PRKG1: variants seen among roughly 807,000 people sequenced by gnomAD.
PRKG1 encodes protein kinase cGMP-dependent 1, also known as cGMP-dependent protein kinase 1.
Under a neutral mutation model 88.1 loss-of-function variants are expected in PRKG1, and 35 were observed. The observed-to-expected ratio is 0.40, with a 90% CI of 0.30 to 0.53. The LOEUF (loss-of-function observed/expected upper bound fraction) is 0.53. PRKG1 is among the 20% of genes least tolerant of loss of function. The pLI is 0.59. For synonymous variants in PRKG1, 303 were observed against 292.5 expected (o/e 1.04, Z -0.37); for missense variants, 540 against 839.8 (o/e 0.64, Z 4.41).
rs528110345 is a variant in PRKG1 at position 51,519,492 on chromosome 10, C to T, written c.592+51656C>T. ...ATTTTGAGAAACACTTGGAAAAAAA[C>T]ATGAGGGGGGAAATCTGGGCCAGAA... On this transcript the variant is annotated intron_variant, in intron 3 of 17. Transcript: ENST00000373980. Among the ~76,000 whole-genome samples the T allele has an allele frequency of 1.2e-3, 186 of 152,062 alleles. 1 individual carries two copies. The highest frequency in any genetic ancestry group is 2.1e-3 in the Non-Finnish European group (145 of 67,942).
intron 3 of PRKG1, among the ~76,000 whole-genome samples, chr10:51,683,931 G>A (rs1318121890): frequency 3.3e-5 from 5 of 152,124 alleles, no homozygotes; most frequent in Admixed American, 6.5e-5. Flanking sequence ...TTTGTTTTTC[G>A]GGGGAATGTA....
chr10:51,461,537 A>G (rs749612687), intron 2 of PRKG1, among the ~76,000 whole-genome samples: 52 of 152,188 alleles, frequency 3.4e-4, no homozygotes, highest in Non-Finnish European at 4.9e-4. Context: ...TTCAATGTCC[A>G]AAGAATGATT....
intron 9 of PRKG1, among the ~76,000 whole-genome samples, chr10:52,209,918 G>A (rs1445688821): frequency 2.6e-5 from 4 of 152,082 alleles, no homozygotes; most frequent in East Asian, 1.9e-4. Context: ...CTTTAGCAAC[G>A]TATCTTGAGT....
Position 51,743,690 on chromosome 10 carries a change from TTATATATATAATATAAACTAAATATA to T in PRKG1, c.593-60858_593-60833del, listed in dbSNP as rs1470646886. Among the ~76,000 whole-genome samples, 316 of 123,836 alleles carry T rather than the reference TTATATATATAATATAAACTAAATATA, an allele frequency of 2.6e-3. 2 individuals carry two copies. The highest frequency in any genetic ancestry group is 3.1e-3 in the African/African-American group (99 of 32,092). 81.2% of individuals were successfully genotyped at this position (123,836 alleles called of 152,430 possible). On this transcript the variant is annotated intron_variant, in intron 3 of 17. Coordinates refer to ENST00000373980, the MANE Select transcript of PRKG1 (RefSeq NM_006258.4). ...TATATATTTATATATATATAATTTA[TTATATATATAATATAAACTAAATATA>T]TATATATATAATATAAACTAAATAT...
chr10:52,132,794 T>C (rs1327062511), intron 7 of PRKG1, among the ~76,000 whole-genome samples: 2 of 152,106 alleles, frequency 1.3e-5, no homozygotes, highest in Non-Finnish European at 2.9e-5. Flanking sequence ...TTTTAAAAAT[T>C]CTCATGGGTA....
intron 9 of PRKG1, among the ~76,000 whole-genome samples, chr10:52,205,088 C>G (rs1424228055): frequency 1.3e-5 from 2 of 152,094 alleles, no homozygotes; most frequent in Admixed American, 1.3e-4. Context: ...CCTGCAGCGC[C>G]CCCAGGTTTG....
At chr10:51,946,681 C>T (rs778391386) in intron 5 of PRKG1, among the ~76,000 whole-genome samples, 8 of 152,106 alleles carry the variant, frequency 5.3e-5, no homozygotes, top group Non-Finnish European at 7.3e-5. Context: ...TCCTAAGAGA[C>T]AGGACCCTCA....
intron 14 of PRKG1, 91 bp from the exon 15 acceptor site, chr10:52,288,635 A>G (rs1842172827): frequency 7.6e-7 from 1 of 1,319,774 alleles, no homozygotes. Context: ...CCAAATATGA[A>G]TTGATGTCAT....
At chr10:51,414,142 A>G (rs1838175403) in intron 2 of PRKG1, among the ~76,000 whole-genome samples, 1 of 152,216 alleles carries the variant, frequency 6.6e-6, no homozygotes, top group South Asian at 2.1e-4. Flanking sequence ...AGTGCCCATC[A>G]TGAAGCCTGG....
chr10:51,659,258 C>T (rs1411855488), intron 3 of PRKG1, among the ~76,000 whole-genome samples: 1 of 151,912 alleles, frequency 6.6e-6, no homozygotes, highest in Non-Finnish European at 1.5e-5. Flanking sequence ...GACAATGTTC[C>T]CTAAAACAAA....
At chr10:52,086,756 A>G (rs1846925553) in intron 7 of PRKG1, among the ~76,000 whole-genome samples, 1 of 152,236 alleles carries the variant, frequency 6.6e-6, no homozygotes, top group East Asian at 1.9e-4. Context: ...TGAACAGTGT[A>G]TTAGTCTGTT....
intron 3 of PRKG1, among the ~76,000 whole-genome samples, chr10:51,547,537 A>G (rs963957457): frequency 1.3e-5 from 2 of 152,118 alleles, no homozygotes; most frequent in East Asian, 1.9e-4. Flanking sequence ...ATTTTATAGG[A>G]CACTGAAAGT....
intron 2 of PRKG1, among the ~76,000 whole-genome samples, chr10:51,311,587 C>G (rs76067142): frequency 6.6e-6 from 1 of 152,162 alleles, no homozygotes; most frequent in East Asian, 1.9e-4. Flanking sequence ...AATTTGAGGA[C>G]CGGTACCTTA....
intron 2 of PRKG1, among the ~76,000 whole-genome samples, chr10:51,381,722 A>G (rs1403528655): frequency 6.6e-6 from 1 of 152,232 alleles, no homozygotes; most frequent in Non-Finnish European, 1.5e-5. Context: ...TACCATGGGG[A>G]AGTTAAGACA....
intron 1 of PRKG1, among the ~76,000 whole-genome samples, chr10:51,089,201 T>C (rs1844337555): frequency 1.3e-5 from 2 of 152,166 alleles, no homozygotes; most frequent in East Asian, 1.9e-4. Flanking sequence ...CTCTAATAAA[T>C]GTGTAATCCC....
At chr10:51,942,257 G>C (rs1842925652) in intron 5 of PRKG1, among the ~76,000 whole-genome samples, 2 of 152,044 alleles carry the variant, frequency 1.3e-5, no homozygotes, top group South Asian at 4.1e-4. Context: ...CTTCTTTTGA[G>C]AAGTGTCTGT....
chr10:51,530,121 A>C (rs10823137), intron 3 of PRKG1, among the ~76,000 whole-genome samples: 40,366 of 152,006 alleles, frequency 0.27, 5,729 homozygotes, highest in Admixed American at 0.36. Context: ...GCATTTTTCT[A>C]TAGTTTGCAT....
intron 2 of PRKG1, among the ~76,000 whole-genome samples, chr10:51,420,841 G>A (rs565111817): frequency 1.3e-5 from 2 of 152,300 alleles, no homozygotes; most frequent in South Asian, 4.1e-4. Flanking sequence ...TTCCAATCAT[G>A]GTAGAAGCTG....
At position 51,533,258 on chromosome 10, in the gene PRKG1, T is replaced by G. The variant is rs368022593; in HGVS notation, c.592+65422T>G. On this transcript the variant is annotated intron_variant, in intron 3 of 17. Coordinates refer to ENST00000373980, the MANE Select transcript of PRKG1 (RefSeq NM_006258.4). ...TCCTTTCAATAAAAGTAATAGTAGT[T>G]TTGCATTTGGCAAGGAATTTAACTT... is the stretch of plus-strand genomic sequence containing the variant. Among the ~76,000 whole-genome samples, 112 of 152,382 alleles carry G rather than the reference T, an allele frequency of 7.3e-4. 3 individuals are homozygous for G. The South Asian group carries it at 0.014, about 19-fold the overall frequency.
Sources: gnomAD v4.1 joint callset for allele counts (sites outside exome capture counted in the v4.1 genomes callset) on GRCh38, gnomAD v4.1.1 for gene constraint, MANE v1.5 for transcripts, NCBI Gene and HGNC (gene_info 2026-07-23, HGNC 2026-07-21) for gene names.